LRRTM4: variants seen among roughly 807,000 people sequenced by gnomAD.
LRRTM4 encodes leucine rich repeat transmembrane neuronal 4, also known as leucine-rich repeat transmembrane neuronal protein 4.
In LRRTM4, 25 loss-of-function variants were observed where a neutral mutation model predicts 47.6. The ratio of observed to expected loss-of-function variants is 0.53; its 90% CI spans 0.38 to 0.73. The LOEUF is 0.73. Among genes scored for constraint, LRRTM4 ranks in the 30% least tolerant of loss-of-function variants. The pLI, the probability that LRRTM4 is intolerant of heterozygous loss-of-function variation, is 0.00. For missense variants in LRRTM4, 638 were observed against 713.4 expected (o/e 0.89, Z 1.20); for synonymous variants, 311 against 269.5 (o/e 1.15, Z -1.51).
intron 3 of LRRTM4, among the ~76,000 whole-genome samples, chr2:77,230,139 T>C (rs1674924590): frequency 6.6e-6 from 1 of 152,196 alleles, no homozygotes; most frequent in African/African-American, 2.4e-5. Flanking sequence ...AATTTTAGTT[T>C]CAAAATAGAA....
At chr2:77,465,109 C>A (rs2103979998) in intron 3 of LRRTM4, among the ~76,000 whole-genome samples, 1 of 152,188 alleles carries the variant, frequency 6.6e-6, no homozygotes, top group East Asian at 1.9e-4. Context: ...AAGTCCCACA[C>A]TGTAATATAG....
At chr2:77,223,262 C>A (rs1395804548) in intron 3 of LRRTM4, among the ~76,000 whole-genome samples, 1 of 151,994 alleles carries the variant, frequency 6.6e-6, no homozygotes, top group Non-Finnish European at 1.5e-5. Context: ...ATACTGAATG[C>A]ACAAAAACTG....
chr2:76,963,695 A>G (rs1281276650), intron 3 of LRRTM4, among the ~76,000 whole-genome samples: 2 of 150,844 alleles, frequency 1.3e-5, no homozygotes, highest in African/African-American at 4.8e-5. Context: ...CTGCTTTTCC[A>G]TATTTCAGAC....
chr2:77,364,981 C>T (rs1313874782), intron 3 of LRRTM4, among the ~76,000 whole-genome samples: 3 of 151,938 alleles, frequency 2.0e-5, no homozygotes, highest in Non-Finnish European at 4.4e-5. Flanking sequence ...AGAAGGATTC[C>T]ACTTTTATAG....
intron 3 of LRRTM4, among the ~76,000 whole-genome samples, chr2:77,508,928 G>T (rs1305970747): frequency 6.6e-6 from 1 of 151,840 alleles, no homozygotes; most frequent in Non-Finnish European, 1.5e-5. Context: ...AACACCTGGG[G>T]AATGAAAAAA....
chr2:76,750,979 G>C (rs963812553), intron 3 of LRRTM4, among the ~76,000 whole-genome samples: 7 of 151,550 alleles, frequency 4.6e-5, no homozygotes, highest in African/African-American at 1.7e-4. Context: ...AATTAAATTA[G>C]CTAGAATAGA....
chr2:77,457,040 ATATATATATATGTAT>A (rs1676586322), intron 3 of LRRTM4, among the ~76,000 whole-genome samples: 1 of 28,808 alleles, frequency 3.5e-5, no homozygotes, highest in Admixed American at 3.9e-4. Context: ...ATATATATAT[ATATATATATATGTAT>A]AACCTGGAAC....
intron 3 of LRRTM4, among the ~76,000 whole-genome samples, chr2:77,433,549 G>A (rs967874328): frequency 4.6e-5 from 7 of 152,130 alleles, no homozygotes; most frequent in Non-Finnish European, 7.4e-5. Flanking sequence ...TGCTTATTAT[G>A]AAGTAGAGTG....
intron 3 of LRRTM4, among the ~76,000 whole-genome samples, chr2:76,848,146 A>G (rs1671891243): frequency 6.6e-6 from 1 of 152,094 alleles, no homozygotes; most frequent in Admixed American, 6.6e-5. Context: ...AAGGGGTAGA[A>G]AACAACTTCT....
intron 3 of LRRTM4, among the ~76,000 whole-genome samples, chr2:77,019,205 A>G (rs6547115): frequency 0.55 from 80,605 of 145,836 alleles, 24,439 homozygotes; most frequent in African/African-American, 0.81. Flanking sequence ...TACAAAATGG[A>G]ATTTATTCAG....
intron 3 of LRRTM4, among the ~76,000 whole-genome samples, chr2:77,324,136 G>T (rs759087273): frequency 6.6e-6 from 1 of 152,010 alleles, no homozygotes; most frequent in Non-Finnish European, 1.5e-5. Context: ...TAGAGCTCAG[G>T]CTTAAATGGT....
intron 3 of LRRTM4, among the ~76,000 whole-genome samples, chr2:77,382,660 C>T (rs376983929): frequency 1.2e-4 from 18 of 152,158 alleles, no homozygotes; most frequent in Middle Eastern, 3.4e-3. Context: ...ACAACAGTGA[C>T]GATAAAATGA....
At chr2:76,892,907 A>C (rs1029922315) in intron 3 of LRRTM4, among the ~76,000 whole-genome samples, 1 of 151,174 alleles carries the variant, frequency 6.6e-6, no homozygotes, top group African/African-American at 2.4e-5. Context: ...TTGAAACTGC[A>C]CTCCATCTAA....
intron 3 of LRRTM4, among the ~76,000 whole-genome samples, chr2:77,452,671 T>A (rs1034849907): frequency 6.6e-6 from 1 of 152,194 alleles, no homozygotes; most frequent in Non-Finnish European, 1.5e-5. Context: ...TTAATACTTT[T>A]TTTTAACAAG....
chr2:77,499,375 A>G (rs1019268088), intron 3 of LRRTM4, among the ~76,000 whole-genome samples: 1 of 151,896 alleles, frequency 6.6e-6, no homozygotes, highest in African/African-American at 2.4e-5. Context: ...TTAGCATTCT[A>G]AGTCCCTGAG....
chr2:77,086,926 A>G (rs1465432506), intron 3 of LRRTM4, among the ~76,000 whole-genome samples: 1 of 152,212 alleles, frequency 6.6e-6, no homozygotes, highest in African/African-American at 2.4e-5. Flanking sequence ...AACCTCCAGA[A>G]AAAACAACTG....
At chr2:77,019,253 CAAAAAAAA>C (rs56028060) in intron 3 of LRRTM4, among the ~76,000 whole-genome samples, 225 of 80,532 alleles carry the variant, frequency 2.8e-3, no homozygotes, top group Non-Finnish European at 4.2e-3. Context: ...CACTGCTCTA[CAAAAAAAA>C]AAAAAAAAAA....
At chr2:77,057,780 T>A (rs1277261595) in intron 3 of LRRTM4, among the ~76,000 whole-genome samples, 1 of 152,118 alleles carries the variant, frequency 6.6e-6, no homozygotes, top group African/African-American at 2.4e-5. Flanking sequence ...TTAAAATACA[T>A]ACATACCTAC....
At chr2:76,999,441 A>C (rs1275332079) in intron 3 of LRRTM4, among the ~76,000 whole-genome samples, 1 of 139,454 alleles carries the variant, frequency 7.2e-6, no homozygotes, top group Non-Finnish European at 1.5e-5. Flanking sequence ...ACACAAAAGG[A>C]AACAAAACAA....
Sources: allele counts gnomAD v4.1 joint callset (sites outside exome capture counted in the v4.1 genomes callset), GRCh38; gene constraint gnomAD v4.1.1; transcripts MANE v1.5; gene names NCBI Gene and HGNC (gene_info 2026-07-23, HGNC 2026-07-21).